The following INSL6 variants were observed in gnomAD, a reference collection of about 807,000 sequenced individuals.
INSL6 encodes insulin-like peptide INSL6.
Under a neutral mutation model 9.4 loss-of-function variants are expected in INSL6, and 16 were observed. The observed-to-expected ratio is 1.70, with a 90% CI of 1.15 to 2.59. The LOEUF is 2.59. Among genes scored for constraint, INSL6 ranks in the 30% most tolerant of loss-of-function variants. INSL6 has a pLI of 0.00. For missense variants in INSL6, 391 were observed against 257.3 expected (o/e 1.52, Z -3.56); for synonymous variants, 154 against 96.9 (o/e 1.59, Z -3.46).
the INSL6 span, among the ~76,000 whole-genome samples, chr9:5,102,106 A>C: frequency 1.3e-5 from 2 of 152,210 alleles, no homozygotes; most frequent in African/African-American, 2.4e-5. Context: ...CTAAAGGAGG[A>C]TGTTCAAACC....
At chr9:5,065,138 T>A in the INSL6 span, 3 of 723,232 alleles carry the variant, frequency 4.1e-6, no homozygotes, top group Non-Finnish European at 6.0e-6. Flanking sequence ...TAGAAAAAAA[T>A]AATTTGACAA....
At chr9:5,085,712 G>A in the INSL6 span, 1 of 750,352 alleles carries the variant, frequency 1.3e-6, no homozygotes, top group Non-Finnish European at 2.5e-6. Context: ...GACTAGCAGT[G>A]TGGATCATTT....
At chr9:5,126,936 CTTT>C in intron 3 of INSL6, 1 of 437,976 alleles carries the variant, frequency 2.3e-6, no homozygotes. Flanking sequence ...CTGCTCAAAA[CTTT>C]CAAAGTTTAG....
At chr9:5,148,518 G>T (rs1824646517) in intron 2 of INSL6, among the ~76,000 whole-genome samples, 1 of 152,178 alleles carries the variant, frequency 6.6e-6, no homozygotes. Flanking sequence ...GTATTTCGGG[G>T]CCACAGGGCT....
At chr9:5,129,706 T>A (rs1033060989) in intron 3 of INSL6, among the ~76,000 whole-genome samples, 1 of 152,114 alleles carries the variant, frequency 6.6e-6, no homozygotes, top group African/African-American at 2.4e-5. Flanking sequence ...GGATTTAATA[T>A]CAAGATAACT....
At chr9:5,035,705 A>G in the INSL6 span, among the ~76,000 whole-genome samples, 18 of 152,222 alleles carry the variant, frequency 1.2e-4, no homozygotes, top group African/African-American at 4.3e-4. Flanking sequence ...AACTCTCAAT[A>G]AATTAGGTAT....
chr9:5,095,737 C>G, the INSL6 span, among the ~76,000 whole-genome samples: 2 of 152,144 alleles, frequency 1.3e-5, no homozygotes, highest in African/African-American at 4.8e-5. Flanking sequence ...AGGACTTAAT[C>G]AAACACAATT....
chr9:5,021,171 A>T, the INSL6 span, among the ~76,000 whole-genome samples: 1 of 151,754 alleles, frequency 6.6e-6, no homozygotes, highest in Non-Finnish European at 1.5e-5. Flanking sequence ...AGGCTGCCCC[A>T]CTTCCCTCTC....
At chr9:5,043,384 A>G in the INSL6 span, among the ~76,000 whole-genome samples, 1 of 152,226 alleles carries the variant, frequency 6.6e-6, no homozygotes. Flanking sequence ...GAGAAATACA[A>G]ATCAAAACCA....
At chr9:5,120,431 A>T (rs1390445280), downstream of INSL6, among the ~76,000 whole-genome samples, 7 of 152,206 alleles carry the variant, frequency 4.6e-5, no homozygotes, top group Admixed American at 1.3e-4. Context: ...TCATTTTTTT[A>T]AAAACTCAAT....
At chr9:5,051,827 T>C in the INSL6 span, among the ~76,000 whole-genome samples, 1 of 152,094 alleles carries the variant, frequency 6.6e-6, no homozygotes, top group African/African-American at 2.4e-5. Flanking sequence ...ATTTGCAGAG[T>C]ATCAATTTCT....
At chr9:5,118,037 T>G in the INSL6 span, among the ~76,000 whole-genome samples, 1 of 152,232 alleles carries the variant, frequency 6.6e-6, no homozygotes, top group African/African-American at 2.4e-5. Context: ...CTGTAAATAT[T>G]GACATTTAAA....
intron 1 of INSL6, 30 bp from the exon 2 acceptor site, chr9:5,164,295 T>C (rs1824997082): frequency 5.7e-6 from 8 of 1,392,410 alleles, no homozygotes; most frequent in Non-Finnish European, 8.0e-6. Context: ...TAAATGCTCC[T>C]TTATTAAAAT....
chr9:4,995,582 T>A, the INSL6 span, among the ~76,000 whole-genome samples: 1 of 152,242 alleles, frequency 6.6e-6, no homozygotes, highest in Admixed American at 6.5e-5. Flanking sequence ...ATTTCTGGAC[T>A]TTGTTTCATT....
At chr9:5,031,875 C>T in the INSL6 span, among the ~76,000 whole-genome samples, 9 of 152,176 alleles carry the variant, frequency 5.9e-5, no homozygotes, top group Non-Finnish European at 1.2e-4. Flanking sequence ...CTGAGGTGTA[C>T]CGGGTTCGTC....
chr9:5,151,839 A>T (rs987692898), intron 2 of INSL6, among the ~76,000 whole-genome samples: 3 of 152,194 alleles, frequency 2.0e-5, no homozygotes, highest in Admixed American at 1.3e-4. Context: ...AATGAAAAGC[A>T]TACACTGTGA....
chr9:5,052,401 G>A, the INSL6 span, among the ~76,000 whole-genome samples: 1 of 151,490 alleles, frequency 6.6e-6, no homozygotes. Flanking sequence ...GCAAAATGCT[G>A]CATCATTTTT....
At chr9:5,109,966 C>T in the INSL6 span, 1 of 152,160 alleles carries the variant, frequency 6.6e-6, no homozygotes, top group African/African-American at 2.4e-5. Context: ...AATACAGCAG[C>T]CCTCCAAGCA....
At chr9:5,068,042 C>A in the INSL6 span, among the ~76,000 whole-genome samples, 1 of 151,872 alleles carries the variant, frequency 6.6e-6, no homozygotes, top group Admixed American at 6.6e-5. Context: ...CACCTGTAGT[C>A]CCAGCTACTC....
Sources: gnomAD v4.1 joint callset for allele counts (sites outside exome capture counted in the v4.1 genomes callset) on GRCh38, gnomAD v4.1.1 for gene constraint, MANE v1.5 for transcripts, NCBI Gene and HGNC (gene_info 2026-07-23, HGNC 2026-07-21) for gene names.